The following WDR20 variants were observed in gnomAD, a reference collection of about 807,000 sequenced individuals.
The protein encoded by WDR20 is WD repeat-containing protein 20.
In WDR20, 3 loss-of-function variants were observed where a neutral mutation model predicts 38.7. That is an observed-to-expected ratio of 0.08 (90% CI 0.04 to 0.20). The LOEUF is 0.20. Ranked by LOEUF, WDR20 falls within the 10% of genes least tolerant of loss-of-function variation. WDR20 has a pLI of 1.00. For missense variants in WDR20, 559 were observed against 727.7 expected (o/e 0.77, Z 2.67); for synonymous variants, 298 against 285.6 (o/e 1.04, Z -0.44).
intron 1 of WDR20, among the ~76,000 whole-genome samples, chr14:102,175,098 T>G (rs537457586): frequency 2.0e-5 from 3 of 152,348 alleles, no homozygotes; most frequent in Non-Finnish European, 4.4e-5. Flanking sequence ...GCATTTGCTT[T>G]TGGGTTCTTG....
Position 102,207,107 on chromosome 14 carries a change from T to C in WDR20, c.433-1496T>C, listed in dbSNP as rs1596973456. Among the ~76,000 whole-genome samples, 2 of 152,186 alleles carry C rather than the reference T, an allele frequency of 1.3e-5. No homozygotes were observed. Among genetic ancestry groups the C allele is most frequent in the African/African-American group, 4.8e-5 (2 of 41,448 alleles). On this transcript the variant is annotated intron_variant, in intron 2 of 2. Transcript: ENST00000342702. This position sits in a 1 kb window ranked among gnomAD's most constrained non-coding sequence, Gnocchi z 5.0. ...GTGTCCCCAAGGCTGGCTTGCCACG[T>C]GCCTATTAATTTAAGAGGACCAGCC...
Position 102,210,400 on chromosome 14 carries a change from G to A in WDR20, c.*520G>A. The A allele has an allele frequency of 1.0e-6, 1 of 985,472 alleles. No homozygotes were observed. The highest frequency in any genetic ancestry group is 1.2e-6 in the Non-Finnish European group (1 of 829,978). The allele number at this position is 985,472 out of a possible 1,614,324, so 61.0% of individuals were successfully genotyped here. A position where few individuals can be genotyped will look rare whatever the true frequency, so the allele number is the denominator to read the frequency against. ...AACTTTAGGAACAAAACGTTTAGCA[G>A]GGTTGATTGATATTATTTTTACATT... On this transcript the variant is annotated 3_prime_UTR_variant, in exon 3 of 3. Transcript: ENST00000342702.
In WDR20 at chr14:102,150,372, C is replaced by A. The variant is rs114886558; in HGVS notation, c.249+10200C>A. Among the ~76,000 whole-genome samples, 688 of 151,968 alleles carry A rather than the reference C, an allele frequency of 4.5e-3. 6 individuals are homozygous for A. Among genetic ancestry groups the A allele is most frequent in the African/African-American group, 0.015 (638 of 41,410 alleles). On this transcript the variant is annotated intron_variant, in intron 1 of 2. Coordinates refer to ENST00000342702, the MANE Select transcript of WDR20 (RefSeq NM_144574.4). ...GCCTGTAGTCCCAGCTACTCGGGGC[C>A]GAGGTAAGAGGATTGCTTGAGCCCA...
At chr14:102,223,755 T>A (rs1159949492), downstream of WDR20, 1 of 152,242 alleles carries the variant, frequency 6.6e-6, no homozygotes, top group Non-Finnish European at 1.5e-5. Flanking sequence ...TTGTTTTGTC[T>A]TTTTCACCCC....
downstream of WDR20, among the ~76,000 whole-genome samples, chr14:102,219,518 C>T (rs1375053459): frequency 6.6e-6 from 1 of 152,254 alleles, no homozygotes; most frequent in Non-Finnish European, 1.5e-5. Context: ...TTGCTGGGGT[C>T]ACTGCTGGAG....
chr14:102,224,739 C>T (rs1429378817), downstream of WDR20: 9 of 455,878 alleles, frequency 2.0e-5, no homozygotes, highest in Admixed American at 4.7e-5. Flanking sequence ...CTGCCCCACT[C>T]GAAGGCGCCA....
chr14:102,224,812 A>T, downstream of WDR20: 1 of 455,964 alleles, frequency 2.2e-6, no homozygotes. Context: ...GAGAAATAAT[A>T]AAAGACACTA....
chr14:102,142,619 A>T (rs1001461501), intron 1 of WDR20, among the ~76,000 whole-genome samples: 8 of 146,248 alleles, frequency 5.5e-5, no homozygotes, highest in Non-Finnish European at 9.1e-5. Context: ...CTGGCTAATT[A>T]AAAAAAAAAA....
chr14:102,201,994 C>G (rs558360766), intron 2 of WDR20, among the ~76,000 whole-genome samples: 5 of 152,102 alleles, frequency 3.3e-5, no homozygotes, highest in Non-Finnish European at 7.4e-5. Flanking sequence ...GCCTTCCTGC[C>G]TCTGCCTGTC....
intron 1 of WDR20, among the ~76,000 whole-genome samples, chr14:102,169,664 A>C (rs982614827): frequency 2.6e-5 from 4 of 151,946 alleles, no homozygotes; most frequent in Non-Finnish European, 4.4e-5. Flanking sequence ...AGTAGCTGGG[A>C]TTACAGGCGC....
downstream of WDR20, among the ~76,000 whole-genome samples, chr14:102,216,521 G>A (rs2063239760): frequency 6.6e-6 from 1 of 152,190 alleles, no homozygotes. Flanking sequence ...CTAGCACTGA[G>A]TAGATTTTAA....
intron 1 of WDR20, among the ~76,000 whole-genome samples, chr14:102,193,769 G>A (rs1010220827): frequency 1.7e-4 from 26 of 152,274 alleles, no homozygotes; most frequent in African/African-American, 4.8e-4. Context: ...CTGAGGGGGC[G>A]GTCAGTAGAG....
In WDR20 at chr14:102,209,604, C is replaced by G. The variant is rs2062165387; in HGVS notation, c.1434C>G (p.His478Gln). The change falls in exon 3 of 3, where the codon CAC becomes CAG. Residue 478 changes from histidine (H) to glutamine (Q), a missense_variant. Physicochemically the swap from His to Gln is conservative, Grantham distance 24. Coordinates refer to ENST00000342702, the MANE Select transcript of WDR20 (RefSeq NM_144574.4). The surrounding 1 kb of genome is among the most constrained non-coding windows in gnomAD (Gnocchi z 6.0). Reference sequence around the variant, plus strand: ...AGGAGAGGCACCACGAGAAAGATCACAAGCGAAATCATAGCATGGGACACA... The same window carrying G: ...AGGAGAGGCACCACGAGAAAGATCAGAAGCGAAATCATAGCATGGGACACA... ...DRKERHHEKDHKRNHSMGHIS... is the reference protein window; with the variant it reads ...DRKERHHEKDQKRNHSMGHIS... 6.2e-7 allele frequency: 1 copy of G among 1,614,188 alleles called. No homozygotes were observed. Among genetic ancestry groups the G allele is most frequent in the East Asian group, 2.2e-5 (1 of 44,892 alleles).
intron 2 of WDR20, among the ~76,000 whole-genome samples, chr14:102,199,659 C>T (rs1234935212): frequency 6.6e-6 from 1 of 152,142 alleles, no homozygotes; most frequent in Non-Finnish European, 1.5e-5. Flanking sequence ...TTACTCTGGC[C>T]TTTGCCTCCT....
downstream of WDR20, chr14:102,214,053 G>A (rs2062899417): frequency 4.1e-6 from 4 of 985,490 alleles, no homozygotes; most frequent in Non-Finnish European, 4.8e-6. Flanking sequence ...ATGGGGGAGG[G>A]ACTGGCCTCT....
downstream of WDR20, among the ~76,000 whole-genome samples, chr14:102,218,880 C>T (rs1282617771): frequency 6.6e-6 from 1 of 152,254 alleles, no homozygotes; most frequent in African/African-American, 2.4e-5. Flanking sequence ...GCAGCTCCCG[C>T]ACGCTGCTGA....
At chr14:102,153,121 G>C (rs2056473204) in intron 1 of WDR20, among the ~76,000 whole-genome samples, 1 of 152,104 alleles carries the variant, frequency 6.6e-6, no homozygotes, top group Non-Finnish European at 1.5e-5. Context: ...AGAACTGGCT[G>C]TTTAAAAGTG....
At chr14:102,161,495 G>A (rs75298719) in intron 1 of WDR20, among the ~76,000 whole-genome samples, 6,534 of 151,740 alleles carry the variant, frequency 0.043, 180 homozygotes, top group Middle Eastern at 0.065. Context: ...TGTGTTTTTT[G>A]TATAGACAGG....
intron 1 of WDR20, among the ~76,000 whole-genome samples, chr14:102,163,020 A>G (rs2059074771): frequency 2.0e-5 from 3 of 152,168 alleles, no homozygotes; most frequent in Admixed American, 2.0e-4. Flanking sequence ...GAGGCTTTTC[A>G]AAATTAATCA....
Sources: gnomAD v4.1 joint callset for allele counts (sites outside exome capture counted in the v4.1 genomes callset) on GRCh38, gnomAD v4.1.1 for gene constraint, Gnocchi (gnomAD v3.1) non-coding constraint, MANE v1.5 for transcripts, NCBI Gene and HGNC (gene_info 2026-07-23, HGNC 2026-07-21) for gene names.